GSAP: variants seen among roughly 807,000 people sequenced by gnomAD.
GSAP encodes the protein gamma-secretase activating protein, also known as gamma-secretase-activating protein.
GSAP carries 118 observed loss-of-function variants against 131.7 expected under a neutral mutation model. That is an observed-to-expected ratio of 0.90 (90% CI 0.77 to 1.04). GSAP has a LOEUF of 1.04. Ranked by LOEUF, GSAP falls within the 50% of genes least tolerant of loss-of-function variation. The pLI is 0.00. For missense variants in GSAP, 1,019 were observed against 1,013.2 expected (o/e 1.01, Z -0.08); for synonymous variants, 381 against 363.4 (o/e 1.05, Z -0.55).
chr7:77,329,147 CCACCAGAAATTCCAG>C (rs1584282361), intron 21 of GSAP, among the ~76,000 whole-genome samples, 171 bp downstream of exon 21: 1 of 152,152 alleles, frequency 6.6e-6, no homozygotes, highest in Non-Finnish European at 1.5e-5. Context: ...TAAGCTTTTC[CCACCAGAAATTCCAG>C]CACCAAATTC....
intron 30 of GSAP, 41 bp downstream of exon 30, chr7:77,311,800 G>C (rs1173839780): frequency 1.0e-6 from 1 of 953,774 alleles, no homozygotes; most frequent in South Asian, 1.3e-5. Flanking sequence ...GATGTGTCAA[G>C]GGAAAAGTGG....
chr7:77,411,023 G>A (rs989828189), intron 1 of GSAP, among the ~76,000 whole-genome samples: 2 of 146,348 alleles, frequency 1.4e-5, no homozygotes, highest in Non-Finnish European at 3.0e-5. Context: ...AGAGAGAGAT[G>A]AGAATTAGAA....
intron 12 of GSAP, among the ~76,000 whole-genome samples, chr7:77,367,523 T>C (rs182626418): frequency 3.1e-4 from 47 of 152,334 alleles, no homozygotes; most frequent in Non-Finnish European, 6.0e-4. Context: ...TTGCATATGT[T>C]GAGCCAACCT....
intron 18 of GSAP, chr7:77,351,392 T>G (rs1242720678): frequency 1.0e-6 from 1 of 976,664 alleles, no homozygotes; most frequent in Non-Finnish European, 1.2e-6. Flanking sequence ...GTGAAATCCA[T>G]GTTTTCGCCT....
intron 5 of GSAP, among the ~76,000 whole-genome samples, chr7:77,395,630 A>G (rs1341356836): frequency 6.6e-6 from 1 of 152,112 alleles, no homozygotes; most frequent in Non-Finnish European, 1.5e-5. Context: ...GAGATTTCAG[A>G]TGAGCCTCCT....
rs372230883 is a variant in GSAP at position 77,375,019 on chromosome 7, G to C, written c.785+39C>G. 1.5e-5 allele frequency: 14 copies of C among 952,086 alleles called. No individual in the cohort carries two copies. The African/African-American group carries it at 2.3e-4, about 16-fold the overall frequency. The allele number at this position is 952,086 out of a possible 1,614,324, so 59.0% of individuals were successfully genotyped here. On this transcript the variant is annotated intron_variant, in intron 11 of 30. Coordinates refer to ENST00000257626, the MANE Select transcript of GSAP (RefSeq NM_017439.4). Reference sequence around the variant, plus strand: ...ATAAATATAATCATTTTGCCCACAAGTATCTATAAAAATTAGTAACAACCT... The same window carrying C: ...ATAAATATAATCATTTTGCCCACAACTATCTATAAAAATTAGTAACAACCT...
chr7:77,317,796 G>C (rs2150600166), intron 26 of GSAP, among the ~76,000 whole-genome samples: 1 of 152,248 alleles, frequency 6.6e-6, no homozygotes, highest in Admixed American at 6.5e-5. Flanking sequence ...CAAATTTTTT[G>C]TGTTAACAAC....
intron 12 of GSAP, among the ~76,000 whole-genome samples, chr7:77,372,404 C>T (rs565929518): frequency 1.1e-4 from 17 of 152,052 alleles, no homozygotes; most frequent in African/African-American, 2.7e-4. Flanking sequence ...ACACACATGA[C>T]GTTTTTCAAG....
intron 28 of GSAP, among the ~76,000 whole-genome samples, chr7:77,313,253 T>A (rs1310703725): frequency 6.6e-6 from 1 of 152,144 alleles, no homozygotes; most frequent in African/African-American, 2.4e-5. Context: ...AATGGCTTAA[T>A]GTTCTCACTG....
At chr7:77,402,727 G>A (rs1049252968) in intron 3 of GSAP, among the ~76,000 whole-genome samples, 15 of 148,276 alleles carry the variant, frequency 1.0e-4, no homozygotes, top group South Asian at 4.2e-4. Context: ...TTGTGCCTAC[G>A]TGGAGAAGAG....
chr7:77,374,149 G>C lies in GSAP; in HGVS notation c.792C>G (p.Val264=). The change falls in exon 12 of 31, where the codon GTC becomes GTG. Residue 264 remains valine (V), a synonymous_variant. Transcript: ENST00000257626. ...ISLSNSGFKL[V]NFGCDYHQYR... ...ATTGATGATAATCACATCCAAAGTT[G>C]ACAAGTCTAAGAACATAAAGAATGA... 1.9e-6 allele frequency: 3 copies of C among 1,546,092 alleles called. No individual in the cohort carries two copies. Among genetic ancestry groups the C allele is most frequent in the Non-Finnish European group, 2.7e-6 (3 of 1,124,434 alleles).
intron 5 of GSAP, among the ~76,000 whole-genome samples, chr7:77,387,806 C>A (rs943451187): frequency 6.6e-6 from 1 of 152,192 alleles, no homozygotes; most frequent in Non-Finnish European, 1.5e-5. Context: ...CTGGAAACAA[C>A]AGTAGATACA....
chr7:77,311,750 G>T, intron 30 of GSAP, 91 bp downstream of exon 30: 1 of 710,604 alleles, frequency 1.4e-6, no homozygotes, highest in Non-Finnish European at 2.5e-6. Flanking sequence ...ATGTTAAAAG[G>T]ATTTTGGAAA....
At position 77,397,010 on chromosome 7, in the gene GSAP, T is replaced by C; in HGVS notation, c.339A>G (p.Lys113=). 1 of 1,601,292 alleles carries C rather than the reference T, an allele frequency of 6.2e-7. No individual in the cohort carries two copies. Among genetic ancestry groups the C allele is most frequent in the Non-Finnish European group, 8.5e-7 (1 of 1,171,032 alleles). ...GTTGAAGTTCGTTCCTTTTTCCTTC[T>C]TTAGTAGACTGAACTAAACTTGCAG... ...LLAASLVQST[K]EGKRNELQPG... is the part of the protein sequence containing the mutation. Residue 113 remains lysine (K), a synonymous_variant, in exon 5 of 31, where the codon AAA becomes AAG. Coordinates refer to ENST00000257626, the MANE Select transcript of GSAP (RefSeq NM_017439.4).
chr7:77,326,106 G>A, intron 23 of GSAP, 106 bp downstream of exon 23: 1 of 778,070 alleles, frequency 1.3e-6, no homozygotes, highest in Non-Finnish European at 2.1e-6. Flanking sequence ...ACATACTTGT[G>A]CAAAGAATAA....
At chr7:77,359,996 C>G (rs933628324) in intron 14 of GSAP, among the ~76,000 whole-genome samples, 1 of 152,172 alleles carries the variant, frequency 6.6e-6, no homozygotes, top group East Asian at 1.9e-4. Flanking sequence ...CTGGCCCACT[C>G]AGCGTAAGTA....
At chr7:77,359,212 G>C (rs1244782733) in intron 14 of GSAP, among the ~76,000 whole-genome samples, 1 of 149,494 alleles carries the variant, frequency 6.7e-6, no homozygotes, top group Non-Finnish European at 1.5e-5. Context: ...AAAAAAAAAA[G>C]AAACTATTAA....
chr7:77,374,194 A>C (rs760880642), intron 11 of GSAP, 39 bp from the exon 12 acceptor site: 2 of 981,334 alleles, frequency 2.0e-6, no homozygotes, highest in East Asian at 2.4e-5. Flanking sequence ...GAATGCATTT[A>C]AAAATACATC....
intron 14 of GSAP, among the ~76,000 whole-genome samples, chr7:77,357,633 A>G (rs1204361727): frequency 6.6e-6 from 1 of 152,182 alleles, no homozygotes; most frequent in Non-Finnish European, 1.5e-5. Context: ...AGCTAAAAAA[A>G]TTAAAACCTC....
Sources: gnomAD v4.1 joint callset for allele counts (sites outside exome capture counted in the v4.1 genomes callset) on GRCh38, gnomAD v4.1.1 for gene constraint, MANE v1.5 for transcripts, NCBI Gene and HGNC (gene_info 2026-07-23, HGNC 2026-07-21) for gene names.